CETP: variants seen among roughly 807,000 people sequenced by gnomAD.
CETP encodes the protein BPI fold containing family F.
CETP carries 56 observed loss-of-function variants against 66.5 expected under a neutral mutation model. That is an observed-to-expected ratio of 0.84 (90% CI 0.68 to 1.05). The LOEUF (loss-of-function observed/expected upper bound fraction) is 1.05. Among genes scored for constraint, CETP ranks in the 50% least tolerant of loss-of-function variants. The pLI is 0.00. For missense variants in CETP, 612 were observed against 609.6 expected, an observed-to-expected ratio of 1.00 and a Z score of -0.04; for synonymous variants, 251 against 245.7, an observed-to-expected ratio of 1.02 and a Z score of -0.20.
At chr16:56,971,953 C>A in intron 7 of CETP, 39 bp from the exon 8 acceptor site, 3 of 1,564,612 alleles carry the variant, frequency 1.9e-6, no homozygotes, top group Non-Finnish European at 2.6e-6. Context: ...GGGCAATTCC[C>A]CCATCCTGAG....
chr16:56,971,894 G>T (rs1189697080), intron 7 of CETP, 98 bp from the exon 8 acceptor site: 2 of 1,052,170 alleles, frequency 1.9e-6, no homozygotes, highest in African/African-American at 3.1e-5. Flanking sequence ...GGGGAACACT[G>T]AGGCTGGAGG....
rs374264761 is a variant in CETP, at chr16:56,963,172, G to A, written c.233+48G>A. ...CCAGGCTGGGGGTAGGGAGGCGGGAGGAACAGCCTGGGGCTTGCCCCCAGC... is the reference window on the plus strand; with the variant it reads ...CCAGGCTGGGGGTAGGGAGGCGGGAAGAACAGCCTGGGGCTTGCCCCCAGC... On this transcript the variant is annotated intron_variant, in intron 2 of 15. Transcript: ENST00000200676. The A allele has an allele frequency of 3.9e-5, 57 of 1,457,124 alleles. No individual in the cohort carries two copies. The African/African-American group carries it at 7.5e-4, about 19-fold the overall frequency. 90.3% of individuals were successfully genotyped at this position (1,457,124 alleles called of 1,614,324 possible).
chr16:56,980,773 T>C (rs889952044), intron 11 of CETP, among the ~76,000 whole-genome samples: 6 of 152,076 alleles, frequency 3.9e-5, no homozygotes, highest in African/African-American at 1.2e-4. Context: ...AATACAAAAA[T>C]TAGCCGGACA....
chr16:56,982,237 C>T lies in CETP; in HGVS notation c.1321C>T (p.Arg441Trp), dbSNP rs111642444. 4.3e-6 allele frequency: 7 copies of T among 1,613,980 alleles called. No individual in the cohort carries two copies. The highest frequency in any genetic ancestry group is 3.3e-5 in the South Asian group (3 of 91,082). Residue 441 changes from arginine (R) to tryptophan (W), a missense_variant and splice_region_variant, in exon 14 of 16, where the codon CGG becomes TGG. Coordinates refer to ENST00000200676, the MANE Select transcript of CETP (RefSeq NM_000078.3). ...TAVGIPEVMSRLEVVFTALMN... is the reference protein window; with the variant it reads ...TAVGIPEVMSWLEVVFTALMN... ...TGTGGGCATCCCTGAGGTCATGTCTCGTAAGTGTGGGCTGGAGGGGAAACT... is the reference window on the plus strand; with the variant it reads ...TGTGGGCATCCCTGAGGTCATGTCTTGTAAGTGTGGGCTGGAGGGGAAACT...
At chr16:56,976,655 C>T (rs761322863) in intron 10 of CETP, among the ~76,000 whole-genome samples, 10 of 151,918 alleles carry the variant, frequency 6.6e-5, no homozygotes, top group Non-Finnish European at 1.2e-4. Context: ...CTTCATCACT[C>T]TCTCTTCCAT....
chr16:56,962,182 G>A, intron 1 of CETP, 85 bp downstream of exon 1: 1 of 1,168,572 alleles, frequency 8.6e-7, no homozygotes, highest in South Asian at 1.2e-5. Flanking sequence ...CCTGAAGCCA[G>A]CCCTGAAGCC....
chr16:56,969,696 T>A lies in CETP; in HGVS notation c.439+15T>A, dbSNP rs762432832. ...CACACAGCTGAGTATGTGTCAAGCG[T>A]CCTCTGGGGAAGTGGGAGCTGGACT... On this transcript the variant is annotated intron_variant, in intron 4 of 15. Transcript: ENST00000200676. 1.2e-6 allele frequency: 2 copies of A among 1,613,306 alleles called. No homozygotes were observed. The highest frequency in any genetic ancestry group is 1.7e-6 in the Non-Finnish European group (2 of 1,179,896).
chr16:56,968,217 G>A (rs1008372184), intron 2 of CETP, among the ~76,000 whole-genome samples: 1 of 151,486 alleles, frequency 6.6e-6, no homozygotes, highest in African/African-American at 2.4e-5. Flanking sequence ...CGACAGTCTT[G>A]CTCTGTTGCC....
chr16:56,971,882 GA>G lies in CETP; in HGVS notation c.659-109del, dbSNP rs567739945. ...CCGCACACCCAGGTCCCACTTTACA[GA>G]GGGGAACACTGAGGCTGGAGGGTTG... On this transcript the variant is annotated intron_variant, in intron 7 of 15. Coordinates refer to ENST00000200676, the MANE Select transcript of CETP (RefSeq NM_000078.3). 2.7e-3 allele frequency: 2,520 copies of G among 941,722 alleles called. 10 individuals carry two copies. The highest frequency in any genetic ancestry group is 3.8e-3 in the Middle Eastern group (18 of 4,752). The allele number at this position is 941,722 out of a possible 1,614,324, so 58.3% of individuals were successfully genotyped here. A position where few individuals can be genotyped will look rare whatever the true frequency, so the allele number is the denominator to read the frequency against.
In CETP at chr16:56,973,413, T is replaced by G. The variant is rs755528414; in HGVS notation, c.833T>G (p.Leu278Arg). ...ACACTGCTGGGGGACTCCCGCATGC[T>G]GTACTTCTGGTTCTCTGAGCGAGTC... ...SPTLLGDSRM[L>R]YFWFSERVFH... Residue 278 changes from leucine to arginine, a missense_variant, in exon 9 of 16, where the codon CTG (leucine) becomes CGG (arginine). Leu to Arg is a moderately radical substitution (Grantham distance 102). Coordinates refer to ENST00000200676, the MANE Select transcript of CETP (RefSeq NM_000078.3). 5 of 1,614,214 alleles carry G rather than the reference T, an allele frequency of 3.1e-6. No homozygotes were observed. In the East Asian group the frequency reaches 8.9e-5, roughly 29 times the overall value.
intron 9 of CETP, among the ~76,000 whole-genome samples, chr16:56,974,784 A>C (rs1159424919): frequency 6.6e-6 from 1 of 152,226 alleles, no homozygotes; most frequent in Non-Finnish European, 1.5e-5. Flanking sequence ...ATACTGTACT[A>C]GAAATGCTTA....
At chr16:56,962,353 G>A (rs770122829) in intron 1 of CETP, 36 of 699,244 alleles carry the variant, frequency 5.1e-5, no homozygotes, top group Non-Finnish European at 8.8e-5. Flanking sequence ...GTGTTTGTCT[G>A]AGACCCAGAA....
chr16:56,964,617 C>T (rs762544002), intron 2 of CETP, among the ~76,000 whole-genome samples: 7 of 152,218 alleles, frequency 4.6e-5, no homozygotes, highest in Admixed American at 1.3e-4. Flanking sequence ...TCCTCCTCCC[C>T]GGCCCTGCTA....
rs577384205 is a variant in CETP, at chr16:56,973,659, G to A, written c.930+149G>A. The stretch of plus-strand genomic sequence containing the variant: ...AGCAATAGCAGTGAAGTCCAGACTG[G>A]GCACAGTGGCTCACACCTGTAATCC... On this transcript the variant is annotated intron_variant, in intron 9 of 15. Coordinates refer to ENST00000200676, the MANE Select transcript of CETP (RefSeq NM_000078.3). 2.6e-5 allele frequency: 22 copies of A among 845,216 alleles called. No individual in the cohort carries two copies. The African/African-American group carries it at 3.0e-4, about 12-fold the overall frequency. 52.4% of individuals were successfully genotyped at this position (845,216 alleles called of 1,614,324 possible).
intron 2 of CETP, among the ~76,000 whole-genome samples, chr16:56,969,157 C>T (rs1235445419): frequency 6.6e-6 from 1 of 151,978 alleles, no homozygotes; most frequent in African/African-American, 2.4e-5. Context: ...ATCTCCCCAC[C>T]TACCCCAAGG....
chr16:56,980,877 G>A (rs555793725), intron 11 of CETP, among the ~76,000 whole-genome samples: 14 of 152,302 alleles, frequency 9.2e-5, no homozygotes, highest in East Asian at 7.7e-4. Flanking sequence ...AGCTGAGATC[G>A]TGCCACTGCC....
chr16:56,978,348 G>C, intron 11 of CETP, 93 bp downstream of exon 11: 1 of 1,471,342 alleles, frequency 6.8e-7, no homozygotes, highest in Non-Finnish European at 9.5e-7. Flanking sequence ...GAAGCCTCCA[G>C]ATCCTTCTCA....
At chr16:56,981,794 C>A (rs1474274198) in intron 13 of CETP, 114 bp downstream of exon 13, 5 of 1,015,382 alleles carry the variant, frequency 4.9e-6, no homozygotes, top group Non-Finnish European at 7.7e-6. Context: ...AGAATGTGGA[C>A]CAGGTGGTCC....
intron 1 of CETP, 107 bp downstream of exon 1, chr16:56,962,204 T>G: frequency 1.1e-6 from 1 of 929,618 alleles, no homozygotes. Context: ...GCTGCCACAC[T>G]AGCCCAGAGA....
Sources: allele counts gnomAD v4.1 joint callset (sites outside exome capture counted in the v4.1 genomes callset), GRCh38; gene constraint gnomAD v4.1.1; transcripts MANE v1.5; gene names NCBI Gene and HGNC (gene_info 2026-07-23, HGNC 2026-07-21).